The following CDKN3 variants were observed in gnomAD, a reference collection of about 807,000 sequenced individuals.
The protein encoded by CDKN3 is cyclin-dependent kinase inhibitor 3.
In CDKN3, 19 loss-of-function variants were observed where a neutral mutation model predicts 36.1. The observed-to-expected ratio is 0.53, with a 90% CI of 0.37 to 0.77. The LOEUF is 0.77. Ranked by LOEUF, CDKN3 falls within the 30% of genes least tolerant of loss-of-function variation. The pLI is 0.00. For missense variants in CDKN3, 188 were observed against 248.6 expected (o/e 0.76, Z 1.64); for synonymous variants, 71 against 85.3 (o/e 0.83, Z 0.92).
chr14:54,414,844 C>G (rs755215892), intron 5 of CDKN3, among the ~76,000 whole-genome samples: 22 of 151,952 alleles, frequency 1.4e-4, no homozygotes, highest in Non-Finnish European at 2.9e-4. Flanking sequence ...CCATCATGCC[C>G]AGCCTCTCCC....
chr14:54,407,250 G>T (rs2030191766), intron 3 of CDKN3, among the ~76,000 whole-genome samples: 1 of 152,218 alleles, frequency 6.6e-6, no homozygotes, highest in Non-Finnish European at 1.5e-5. Context: ...CCGGATGCCA[G>T]CTGGAGTTCT....
chr14:54,397,046 G>A lies in CDKN3; in HGVS notation c.-23G>A. On this transcript the variant is annotated 5_prime_UTR_variant, in exon 1 of 8. Transcript: ENST00000335183. ...GGCGCTGCAGAGGGAGGCGGCACTG[G>A]TCTCGACGTGGGGCGGCCAGCGATG... 6.7e-7 allele frequency: 1 copy of A among 1,496,544 alleles called. No homozygotes were observed. The allele number at this position is 1,496,544 out of a possible 1,614,324, so 92.7% of individuals were successfully genotyped here. A position where few individuals can be genotyped will look rare whatever the true frequency, so the allele number is the denominator to read the frequency against.
chr14:54,416,118 G>A (rs2030535509), intron 6 of CDKN3, among the ~76,000 whole-genome samples, 188 bp downstream of exon 6: 1 of 152,108 alleles, frequency 6.6e-6, no homozygotes, highest in Admixed American at 6.6e-5. Context: ...GGTATTTTCA[G>A]CATTGTTCTG....
At chr14:54,405,000 C>A (rs1270738559) in intron 3 of CDKN3, among the ~76,000 whole-genome samples, 1 of 152,190 alleles carries the variant, frequency 6.6e-6, no homozygotes, top group African/African-American at 2.4e-5. Context: ...CTCATGTGGG[C>A]ATTTAGTGCT....
chr14:54,408,095 C>T (rs575137870), intron 3 of CDKN3, among the ~76,000 whole-genome samples: 11 of 152,144 alleles, frequency 7.2e-5, no homozygotes, highest in Non-Finnish European at 1.5e-4. Context: ...GTATCTTTTT[C>T]ATATAATGAC....
At chr14:54,397,812 C>T (rs994076037) in intron 1 of CDKN3, among the ~76,000 whole-genome samples, 6 of 152,188 alleles carry the variant, frequency 3.9e-5, no homozygotes, top group African/African-American at 1.2e-4. Context: ...GATTATAATA[C>T]TTCAGATAGA....
intron 5 of CDKN3, chr14:54,413,684 G>A (rs768789605): frequency 8.5e-6 from 13 of 1,534,922 alleles, no homozygotes; most frequent in African/African-American, 1.4e-5. Flanking sequence ...CTTCTAGACA[G>A]CTATAGAGCT....
intron 2 of CDKN3, among the ~76,000 whole-genome samples, chr14:54,401,275 G>A (rs1183966326): frequency 6.6e-6 from 1 of 152,130 alleles, no homozygotes; most frequent in Non-Finnish European, 1.5e-5. Context: ...ACTGCACCCA[G>A]CCTAACTTGT....
At chr14:54,413,805 A>G (rs2030439753) in intron 5 of CDKN3, 3 of 1,424,586 alleles carry the variant, frequency 2.1e-6, no homozygotes, top group Non-Finnish European at 9.1e-7. Flanking sequence ...ATTAGTGAAC[A>G]ACACTGCTTG....
chr14:54,397,115 G>A, intron 1 of CDKN3, 38 bp downstream of exon 1: 2 of 1,472,818 alleles, frequency 1.4e-6, no homozygotes, highest in South Asian at 1.3e-5. Context: ...GAGCGAGGCG[G>A]CAGGGACGCA....
At chr14:54,417,286 G>A (rs557560588) in intron 6 of CDKN3, among the ~76,000 whole-genome samples, 40 of 152,164 alleles carry the variant, frequency 2.6e-4, no homozygotes, top group Admixed American at 1.8e-3. Flanking sequence ...AACACAATGT[G>A]GCATATCTAT....
At chr14:54,404,983 C>T (rs2030107304) in intron 3 of CDKN3, among the ~76,000 whole-genome samples, 1 of 152,112 alleles carries the variant, frequency 6.6e-6, no homozygotes, top group African/African-American at 2.4e-5. Flanking sequence ...TAGATCTTTC[C>T]CGCTTTCTCA....
chr14:54,410,233 C>T (rs1460206672), intron 4 of CDKN3, among the ~76,000 whole-genome samples: 2 of 152,008 alleles, frequency 1.3e-5, no homozygotes, highest in Non-Finnish European at 2.9e-5. Context: ...CTAGAATCTC[C>T]CTGCAGCAGT....
At chr14:54,418,046 A>G (rs546642876) in intron 7 of CDKN3, 95 bp downstream of exon 7, 3 of 723,664 alleles carry the variant, frequency 4.1e-6, no homozygotes, top group Non-Finnish European at 7.4e-6. Flanking sequence ...TGAAAATCCA[A>G]AAGGGCAGTG....
intron 5 of CDKN3, chr14:54,412,965 A>T (rs922857974): frequency 2.2e-5 from 10 of 464,680 alleles, no homozygotes; most frequent in Non-Finnish European, 3.0e-5. Context: ...TCATAGGACA[A>T]GCCCAGCCAA....
At chr14:54,416,052 G>C in intron 6 of CDKN3, 122 bp downstream of exon 6, 1 of 760,472 alleles carries the variant, frequency 1.3e-6, no homozygotes, top group Non-Finnish European at 2.2e-6. Context: ...AAGACTCAAA[G>C]GATTACTTAA....
At chr14:54,409,466 T>C (rs4251631) in intron 4 of CDKN3, among the ~76,000 whole-genome samples, 43,276 of 152,044 alleles carry the variant, frequency 0.28, 6,924 homozygotes, top group African/African-American at 0.42. Flanking sequence ...TGATTCTAAC[T>C]AGTATAGATT....
intron 2 of CDKN3, among the ~76,000 whole-genome samples, 173 bp from the exon 3 acceptor site, chr14:54,401,351 T>G (rs561180701): frequency 2.0e-5 from 3 of 151,386 alleles, no homozygotes; most frequent in East Asian, 1.9e-4. Context: ...TCTTTCTATG[T>G]TTTTTTTTGT....
At position 54,419,981 on chromosome 14, in the gene CDKN3, A is replaced by G. The variant is rs781479004; in HGVS notation, c.553-11A>G. 6.5e-7 allele frequency: 1 copy of G among 1,538,052 alleles called. No individual in the cohort carries two copies. Among genetic ancestry groups the G allele is most frequent in the Non-Finnish European group, 9.0e-7 (1 of 1,111,300 alleles). ...CTACAGTGTATTCCAATGTATCTTT[A>G]CTTTTTTCAGCAATACAATTATCTT... On this transcript the variant is annotated splice_polypyrimidine_tract_variant and intron_variant, in intron 7 of 7. Transcript: ENST00000335183.
Sources: allele counts gnomAD v4.1 joint callset (sites outside exome capture counted in the v4.1 genomes callset), GRCh38; gene constraint gnomAD v4.1.1; transcripts MANE v1.5; gene names NCBI Gene and HGNC (gene_info 2026-07-23, HGNC 2026-07-21).